The following SGCZ variants were observed in gnomAD, a reference collection of about 807,000 sequenced individuals.
The protein encoded by SGCZ is sarcoglycan zeta.
SGCZ carries 40 observed loss-of-function variants against 41.3 expected under a neutral mutation model. The observed-to-expected ratio is 0.97, with a 90% CI of 0.75 to 1.26. The LOEUF (loss-of-function observed/expected upper bound fraction) is 1.26, where lower values mean the gene tolerates loss of function less well. SGCZ is among the 50% of genes most tolerant of loss of function. SGCZ has a pLI of 0.00. For synonymous variants in SGCZ, 206 were observed against 137.5 expected (o/e 1.50, Z -3.49); for missense variants, 552 against 369.8 (o/e 1.49, Z -4.04).
chr8:14,181,478 G>C (rs756591934), intron 4 of SGCZ, among the ~76,000 whole-genome samples: 9 of 152,198 alleles, frequency 5.9e-5, no homozygotes, highest in Non-Finnish European at 1.2e-4. Context: ...AATCAACAGA[G>C]AACCAACATA....
At chr8:14,347,951 T>C (rs945446841) in intron 2 of SGCZ, among the ~76,000 whole-genome samples, 1 of 152,158 alleles carries the variant, frequency 6.6e-6, no homozygotes, top group African/African-American at 2.4e-5. Flanking sequence ...AAATGTACTT[T>C]GCAACTCCCT....
intron 3 of SGCZ, among the ~76,000 whole-genome samples, chr8:14,317,409 C>G (rs1202294525): frequency 6.6e-6 from 1 of 151,836 alleles, no homozygotes; most frequent in Non-Finnish European, 1.5e-5. Context: ...GTAGTGTATG[C>G]TGAATGTTAG....
At chr8:14,998,154 A>G (rs961265645) in intron 1 of SGCZ, among the ~76,000 whole-genome samples, 1 of 152,214 alleles carries the variant, frequency 6.6e-6, no homozygotes, top group African/African-American at 2.4e-5. Context: ...GAAATCATCA[A>G]TACTTAAAAG....
At chr8:14,511,709 TA>T (rs1802473431) in intron 2 of SGCZ, among the ~76,000 whole-genome samples, 1 of 152,136 alleles carries the variant, frequency 6.6e-6, no homozygotes, top group African/African-American at 2.4e-5. Flanking sequence ...AAAAGGACGT[TA>T]AAAATCCTAT....
chr8:14,846,115 T>C (rs1269035244), intron 1 of SGCZ, among the ~76,000 whole-genome samples: 2 of 152,182 alleles, frequency 1.3e-5, no homozygotes, highest in Non-Finnish European at 2.9e-5. Flanking sequence ...TCAATAATTT[T>C]ATTGAACAAA....
chr8:14,363,500 T>C (rs1365273665), intron 2 of SGCZ, among the ~76,000 whole-genome samples: 1 of 152,154 alleles, frequency 6.6e-6, no homozygotes, highest in Admixed American at 6.6e-5. Context: ...AGAAGGGTAT[T>C]TGCATCCAGA....
At chr8:15,028,046 A>C (rs757369646) in intron 1 of SGCZ, among the ~76,000 whole-genome samples, 3 of 152,098 alleles carry the variant, frequency 2.0e-5, no homozygotes, top group Non-Finnish European at 2.9e-5. Flanking sequence ...TTTTGAACTC[A>C]GTTACCACTG....
chr8:14,354,199 ATT>A (rs1803207760), intron 2 of SGCZ, among the ~76,000 whole-genome samples: 1 of 151,998 alleles, frequency 6.6e-6, no homozygotes, highest in African/African-American at 2.4e-5. Flanking sequence ...TAAACTTGTA[ATT>A]TTAGTGCCTC....
chr8:14,105,578 A>G (rs1255094873), intron 6 of SGCZ, among the ~76,000 whole-genome samples: 1 of 152,044 alleles, frequency 6.6e-6, no homozygotes, highest in African/African-American at 2.4e-5. Context: ...ACAAATAAAT[A>G]ATTGAATACC....
intron 2 of SGCZ, among the ~76,000 whole-genome samples, chr8:14,426,436 A>C (rs1276228268): frequency 6.9e-6 from 1 of 145,538 alleles, no homozygotes; most frequent in Non-Finnish European, 1.5e-5. Flanking sequence ...TTGGTGGTGC[A>C]AGTCAATGCA....
intron 1 of SGCZ, among the ~76,000 whole-genome samples, chr8:14,951,280 G>A (rs1193945513): frequency 6.6e-6 from 1 of 151,866 alleles, no homozygotes; most frequent in African/African-American, 2.4e-5. Flanking sequence ...GAAATAAGCT[G>A]CAAAATTAGC....
intron 1 of SGCZ, among the ~76,000 whole-genome samples, chr8:14,611,639 A>G (rs1463528083): frequency 6.6e-6 from 1 of 152,188 alleles, no homozygotes. Context: ...TATTTTCTTG[A>G]CAGAAGCCAT....
chr8:14,565,447 A>G (rs544204513), intron 1 of SGCZ, among the ~76,000 whole-genome samples: 217 of 152,228 alleles, frequency 1.4e-3, no homozygotes, highest in African/African-American at 5.0e-3. Flanking sequence ...AAGGAGCCCA[A>G]GGTAGTCTTT....
At chr8:14,628,268 T>G (rs1240851278) in intron 1 of SGCZ, among the ~76,000 whole-genome samples, 2 of 152,032 alleles carry the variant, frequency 1.3e-5, no homozygotes, top group African/African-American at 4.8e-5. Context: ...AAAATAAATA[T>G]TGTATACATC....
chr8:14,229,071 T>C (rs1250821838), intron 4 of SGCZ, among the ~76,000 whole-genome samples: 1 of 152,146 alleles, frequency 6.6e-6, no homozygotes. Flanking sequence ...AGGTTGAAGA[T>C]GACCAGCCAA....
At position 14,901,315 on chromosome 8, in the gene SGCZ, C is replaced by T. The variant is rs566614797; in HGVS notation, c.39+336270G>A. Among the ~76,000 whole-genome samples, 8 of 152,252 alleles carry T rather than the reference C, an allele frequency of 5.3e-5. No homozygotes were observed. In the East Asian group the frequency reaches 1.5e-3, roughly 29 times the overall value. On this transcript the variant is annotated intron_variant, in intron 1 of 7. Coordinates refer to ENST00000382080, the MANE Select transcript of SGCZ (RefSeq NM_139167.4). ...ATTATGAGTTGAAGGAACAGAAAGG[C>T]ATCTGTCCATTATGCATGGGAGTAG...
In SGCZ at chr8:14,475,665, G is replaced by C. The variant is rs140132557; in HGVS notation, c.234+79067C>G. Among the ~76,000 whole-genome samples, 1,349 of 152,134 alleles carry C rather than the reference G, an allele frequency of 8.9e-3. 17 individuals carry two copies. Among genetic ancestry groups the C allele is most frequent in the South Asian group, 0.021 (102 of 4,812 alleles). ...ACCAAATTTCTATCCAAATCTTTCA[G>C]AATCTTTTAATGAGGGTCTTACAGC... is the stretch of plus-strand genomic sequence containing the variant. On this transcript the variant is annotated intron_variant, in intron 2 of 7. Transcript: ENST00000382080.
chr8:15,112,060 G>GTTGC (rs149847415), intron 1 of SGCZ, among the ~76,000 whole-genome samples: 1,965 of 152,254 alleles, frequency 0.013, 34 homozygotes, highest in African/African-American at 0.045. Flanking sequence ...CTATCTCACT[G>GTTGC]TTGCTCTCTT....
intron 2 of SGCZ, among the ~76,000 whole-genome samples, chr8:14,524,021 AT>A (rs1802866662): frequency 6.6e-6 from 1 of 152,014 alleles, no homozygotes. Context: ...GAAAACATTC[AT>A]TGAGTTTACT....
Sources: allele counts gnomAD v4.1 joint callset (sites outside exome capture counted in the v4.1 genomes callset), GRCh38; gene constraint gnomAD v4.1.1; transcripts MANE v1.5; gene names NCBI Gene and HGNC (gene_info 2026-07-23, HGNC 2026-07-21).